The following DPYSL3 variants were observed in gnomAD, a reference collection of about 807,000 sequenced individuals.
DPYSL3 encodes dihydropyrimidinase-related protein 3.
A neutral mutation model predicts 66.1 loss-of-function variants in DPYSL3; 16 were observed. The observed-to-expected ratio is 0.24, with a 90% CI of 0.16 to 0.37. The LOEUF is 0.37. DPYSL3 is among the 10% of genes least tolerant of loss of function. The pLI, the probability that DPYSL3 is intolerant of heterozygous loss-of-function variation, is 1.00. For missense variants in DPYSL3, 738 were observed against 916.2 expected, an observed-to-expected ratio of 0.81 and a Z score of 2.51; for synonymous variants, 338 against 345.1, an observed-to-expected ratio of 0.98 and a Z score of 0.23.
intron 3 of DPYSL3, among the ~76,000 whole-genome samples, chr5:147,416,186 G>T (rs181249235): frequency 3.5e-4 from 54 of 152,242 alleles, no homozygotes; most frequent in African/African-American, 1.3e-3. Flanking sequence ...ATGGGAAAAT[G>T]CATGTAAAGT....
chr5:147,390,935 G>C lies in DPYSL3; in HGVS notation c.*3100C>G, dbSNP rs75982120. The C allele has an allele frequency of 6.5e-6, 1 of 152,718 alleles. No individual in the cohort carries two copies. The highest frequency in any genetic ancestry group is 2.4e-5 in the African/African-American group (1 of 41,542). The allele number at this position is 152,718 out of a possible 1,614,324, so 9.5% of individuals were successfully genotyped here. On this transcript the variant is annotated 3_prime_UTR_variant, in exon 14 of 14. Coordinates refer to ENST00000343218, the MANE Select transcript of DPYSL3 (RefSeq NM_001197294.2). Reference sequence around the variant, plus strand: ...CGGTTCAAACCAAACAGCTCTTCACGTTCCAGAGCTGCCTCACAGCTAGCA... The same window carrying C: ...CGGTTCAAACCAAACAGCTCTTCACCTTCCAGAGCTGCCTCACAGCTAGCA...
chr5:147,439,229 A>G (rs1752483074), intron 1 of DPYSL3, among the ~76,000 whole-genome samples: 1 of 152,218 alleles, frequency 6.6e-6, no homozygotes, highest in South Asian at 2.1e-4. Flanking sequence ...AAATAGCGTA[A>G]TTTCAACAGT....
At chr5:147,401,475 A>T (rs755623162) in intron 9 of DPYSL3, 65 bp downstream of exon 9, 11 of 1,514,624 alleles carry the variant, frequency 7.3e-6, no homozygotes, top group Non-Finnish European at 9.8e-6. Flanking sequence ...TCCTGTCCTC[A>T]ACCCCCAGCT....
intron 1 of DPYSL3, among the ~76,000 whole-genome samples, chr5:147,484,763 G>T (rs956314365): frequency 2.6e-5 from 4 of 152,158 alleles, no homozygotes. Flanking sequence ...CACAAGACCA[G>T]GCTACAACTG....
chr5:147,422,242 A>T (rs1752095736), intron 2 of DPYSL3, among the ~76,000 whole-genome samples: 1 of 152,218 alleles, frequency 6.6e-6, no homozygotes, highest in Admixed American at 6.5e-5. Context: ...CAAAAAACAT[A>T]TGAAAAAAAG....
At chr5:147,495,216 T>C (rs1753482251) in intron 1 of DPYSL3, among the ~76,000 whole-genome samples, 1 of 152,174 alleles carries the variant, frequency 6.6e-6, no homozygotes, top group Non-Finnish European at 1.5e-5. Context: ...AGACCAGCAT[T>C]ACTGTCACAT....
chr5:147,451,697 T>C (rs1021788727), intron 1 of DPYSL3, among the ~76,000 whole-genome samples: 3 of 152,192 alleles, frequency 2.0e-5, no homozygotes, highest in Non-Finnish European at 4.4e-5. Flanking sequence ...TACTGGATGT[T>C]AAAGCAAGTG....
chr5:147,489,640 C>A (rs1032453794), intron 1 of DPYSL3, among the ~76,000 whole-genome samples: 15 of 152,076 alleles, frequency 9.9e-5, no homozygotes. Flanking sequence ...ATGTAAAATT[C>A]CAAGAGATTA....
intron 1 of DPYSL3, among the ~76,000 whole-genome samples, chr5:147,456,136 C>A (rs1752849289): frequency 1.3e-5 from 2 of 152,182 alleles, no homozygotes; most frequent in Admixed American, 1.3e-4. Context: ...TCATCCCCTT[C>A]AATTATCTTT....
At chr5:147,492,802 C>T (rs566999181) in intron 1 of DPYSL3, among the ~76,000 whole-genome samples, 10 of 151,982 alleles carry the variant, frequency 6.6e-5, no homozygotes, top group African/African-American at 2.4e-4. Context: ...TAGAATACAT[C>T]AACAAATACG....
chr5:147,477,374 C>T (rs906179921), intron 1 of DPYSL3, among the ~76,000 whole-genome samples: 1 of 152,016 alleles, frequency 6.6e-6, no homozygotes, highest in Non-Finnish European at 1.5e-5. Flanking sequence ...GATTAAGAGA[C>T]CAGGACATTA....
chr5:147,446,046 T>A (rs1752624125), intron 1 of DPYSL3, among the ~76,000 whole-genome samples: 1 of 152,190 alleles, frequency 6.6e-6, no homozygotes, highest in South Asian at 2.1e-4. Context: ...TCCCTCTGAG[T>A]TTCAGCCAAC....
At chr5:147,462,777 C>T (rs777177768) in intron 1 of DPYSL3, among the ~76,000 whole-genome samples, 2 of 152,050 alleles carry the variant, frequency 1.3e-5, no homozygotes, top group Non-Finnish European at 2.9e-5. Flanking sequence ...GATTCAATGA[C>T]TCCTATGTTA....
At chr5:147,435,572 T>G (rs889715845) in intron 1 of DPYSL3, among the ~76,000 whole-genome samples, 5 of 152,072 alleles carry the variant, frequency 3.3e-5, no homozygotes, top group Non-Finnish European at 5.9e-5. Flanking sequence ...GGCTGCCAAC[T>G]AGGAAGTTTG....
intron 11 of DPYSL3, among the ~76,000 whole-genome samples, chr5:147,398,267 G>T (rs2152015806): frequency 6.6e-6 from 1 of 152,228 alleles, no homozygotes; most frequent in South Asian, 2.1e-4. Flanking sequence ...CCAAAAATGG[G>T]ATTTCTCCCT....
intron 1 of DPYSL3, among the ~76,000 whole-genome samples, chr5:147,491,783 G>A (rs571154498): frequency 1.7e-3 from 256 of 151,340 alleles, no homozygotes; most frequent in Middle Eastern, 3.5e-3. Flanking sequence ...GACCAAAACA[G>A]AATATCCAAG....
chr5:147,436,037 T>C (rs1237962432), intron 1 of DPYSL3, among the ~76,000 whole-genome samples: 1 of 152,112 alleles, frequency 6.6e-6, no homozygotes, highest in Admixed American at 6.5e-5. Context: ...AATGACCTAG[T>C]GATAGGAAGG....
At chr5:147,428,805 T>G (rs1752249705) in intron 1 of DPYSL3, among the ~76,000 whole-genome samples, 1 of 151,512 alleles carries the variant, frequency 6.6e-6, no homozygotes, top group South Asian at 2.1e-4. Flanking sequence ...TCACGGTGGG[T>G]GGGGTGCGGG....
intron 1 of DPYSL3, among the ~76,000 whole-genome samples, chr5:147,492,275 C>A (rs1016748787): frequency 6.6e-5 from 10 of 151,832 alleles, no homozygotes; most frequent in African/African-American, 2.2e-4. Flanking sequence ...CAAGAAATGT[C>A]AAAAGAAGTT....
Sources: allele counts gnomAD v4.1 joint callset (sites outside exome capture counted in the v4.1 genomes callset), GRCh38; gene constraint gnomAD v4.1.1; transcripts MANE v1.5; gene names NCBI Gene and HGNC (gene_info 2026-07-23, HGNC 2026-07-21).